Variants in TMEM108 observed in about 807,000 individuals in gnomAD.
TMEM108 encodes transmembrane protein 108, also known as cancer/testis antigen 124.
In TMEM108, 12 loss-of-function variants were observed where a neutral mutation model predicts 35.1. That is an observed-to-expected ratio of 0.34 (90% confidence interval 0.22 to 0.55). The LOEUF (loss-of-function observed/expected upper bound fraction) is 0.55. Ranked by LOEUF, TMEM108 falls within the 20% of genes least tolerant of loss-of-function variation. The pLI, the probability that TMEM108 is intolerant of heterozygous loss-of-function variation, is 0.89. For synonymous variants in TMEM108, 287 were observed against 308.6 expected, an observed-to-expected ratio of 0.93 and a Z score of 0.73; for missense variants, 680 against 753.3, an observed-to-expected ratio of 0.90 and a Z score of 1.14.
At chr3:133,073,516 A>ATC (rs1943703512) in intron 2 of TMEM108, among the ~76,000 whole-genome samples, 1 of 69,066 alleles carries the variant, frequency 1.4e-5, no homozygotes, top group Admixed American at 1.5e-4. Flanking sequence ...CTCTCTATAT[A>ATC]TATATATATA....
At chr3:133,211,474 G>C (rs1945833106) in intron 2 of TMEM108, among the ~76,000 whole-genome samples, 1 of 152,126 alleles carries the variant, frequency 6.6e-6, no homozygotes, top group African/African-American at 2.4e-5. Flanking sequence ...TGCTCCTTTA[G>C]TATTTGGCAT....
chr3:133,318,802 T>C (rs1456587348), intron 3 of TMEM108, among the ~76,000 whole-genome samples: 4 of 151,632 alleles, frequency 2.6e-5, no homozygotes, highest in African/African-American at 9.7e-5. Context: ...ATGGACAGAA[T>C]AGCATGTGGA....
intron 2 of TMEM108, among the ~76,000 whole-genome samples, chr3:133,190,775 C>A (rs143134959): frequency 4.2e-4 from 64 of 152,322 alleles, no homozygotes; most frequent in African/African-American, 1.5e-3. Context: ...ACAGTCTGTG[C>A]TGGGCACTGT....
chr3:133,313,210 T>G (rs1382139479), intron 3 of TMEM108, among the ~76,000 whole-genome samples: 1 of 151,690 alleles, frequency 6.6e-6, no homozygotes, highest in African/African-American at 2.4e-5. Context: ...AATTTTTTTT[T>G]TTTTTGAGAT....
intron 3 of TMEM108, chr3:133,303,273 C>T (rs1220664840): frequency 6.6e-6 from 1 of 152,166 alleles, no homozygotes; most frequent in Non-Finnish European, 1.5e-5. Context: ...ACATGTTACA[C>T]AGCCTGTCAT....
chr3:133,214,062 T>TG (rs1236566293), intron 2 of TMEM108, among the ~76,000 whole-genome samples: 1 of 152,214 alleles, frequency 6.6e-6, no homozygotes, highest in Non-Finnish European at 1.5e-5. Context: ...AATTGAGCTC[T>TG]GGCCCAGTTT....
intron 3 of TMEM108, among the ~76,000 whole-genome samples, chr3:133,297,369 A>G (rs1947160279): frequency 6.6e-6 from 1 of 152,170 alleles, no homozygotes; most frequent in Non-Finnish European, 1.5e-5. Context: ...AGAAAAAGAG[A>G]CAGATTTTAA....
intron 3 of TMEM108, among the ~76,000 whole-genome samples, chr3:133,292,004 A>G (rs1399195920): frequency 6.6e-6 from 1 of 152,164 alleles, no homozygotes; most frequent in Non-Finnish European, 1.5e-5. Flanking sequence ...ACATCCCCTC[A>G]GGAGCTTGAT....
At chr3:133,183,738 G>T (rs1160540784) in intron 2 of TMEM108, among the ~76,000 whole-genome samples, 1 of 152,142 alleles carries the variant, frequency 6.6e-6, no homozygotes, top group East Asian at 1.9e-4. Context: ...CCTGTGCAAG[G>T]CCCTTCAAGC....
intron 2 of TMEM108, among the ~76,000 whole-genome samples, chr3:133,160,280 G>A (rs1944942751): frequency 6.6e-6 from 1 of 152,232 alleles, no homozygotes; most frequent in African/African-American, 2.4e-5. Context: ...ATCACATGAG[G>A]AACCAATAGC....
chr3:133,339,148 A>G (rs535243442), intron 3 of TMEM108, among the ~76,000 whole-genome samples: 1 of 151,832 alleles, frequency 6.6e-6, no homozygotes, highest in African/African-American at 2.4e-5. Context: ...AAACTCTCCA[A>G]TCAAGGACAT....
Position 133,172,319 on chromosome 3 carries a change from A to C in TMEM108, c.-46-56947A>C, listed in dbSNP as rs182546920. ...AGAAATTATTAAATGTTTACTGTTT[A>C]CAAGGCTAATATTTATGAAGTCATT... On this transcript the variant is annotated intron_variant, in intron 2 of 5. Transcript: ENST00000321871. 1.2e-3 allele frequency among the ~76,000 whole-genome samples: 178 copies of C among 152,346 alleles called. 1 individual carries two copies. Among genetic ancestry groups the C allele is most frequent in the African/African-American group, 4.2e-3 (175 of 41,580 alleles).
At chr3:133,197,115 TAAAC>T (rs1384270027) in intron 2 of TMEM108, among the ~76,000 whole-genome samples, 2 of 152,190 alleles carry the variant, frequency 1.3e-5, no homozygotes, top group Admixed American at 6.5e-5. Flanking sequence ...GAGTAACAGA[TAAAC>T]AAAATGATAT....
intron 5 of TMEM108, among the ~76,000 whole-genome samples, chr3:133,393,081 C>T (rs1285668474): frequency 6.6e-6 from 1 of 152,222 alleles, no homozygotes; most frequent in Non-Finnish European, 1.5e-5. Flanking sequence ...CACACACCAG[C>T]TTCAGTGGCC....
chr3:133,322,308 G>A (rs2071276624), intron 3 of TMEM108, among the ~76,000 whole-genome samples: 1 of 151,920 alleles, frequency 6.6e-6, no homozygotes, highest in Admixed American at 6.6e-5. Context: ...AGAGAAAATT[G>A]AAATAAGCTC....
intron 2 of TMEM108, among the ~76,000 whole-genome samples, chr3:133,111,144 G>C (rs1944219403): frequency 6.6e-6 from 1 of 152,136 alleles, no homozygotes; most frequent in Non-Finnish European, 1.5e-5. Flanking sequence ...TAGCCATCTA[G>C]TCTGAATTTT....
chr3:133,396,147 G>T lies in TMEM108; in HGVS notation c.*161G>T. 3.9e-6 allele frequency: 1 copy of T among 257,562 alleles called. No homozygotes were observed. Among genetic ancestry groups the T allele is most frequent in the African/African-American group, 4.8e-5 (1 of 20,706 alleles). 16.0% of individuals were successfully genotyped at this position (257,562 alleles called of 1,614,324 possible). On this transcript the variant is annotated 3_prime_UTR_variant, in exon 6 of 6. Transcript: ENST00000321871. Reference sequence around the variant, plus strand: ...TGTCAACATCTTTTTTACAAGTGTGGTTTAAAAAAAAAAAAAACTTTACAG... The same window carrying T: ...TGTCAACATCTTTTTTACAAGTGTGTTTTAAAAAAAAAAAAAACTTTACAG...
rs984260585 is a variant in TMEM108, at chr3:133,046,005, C to T, written c.-62C>T. 4.6e-5 allele frequency: 7 copies of T among 152,766 alleles called. No homozygotes were observed. Among genetic ancestry groups the T allele is most frequent in the African/African-American group, 1.7e-4 (7 of 41,570 alleles). 9.5% of individuals were successfully genotyped at this position (152,766 alleles called of 1,614,324 possible). On this transcript the variant is annotated 5_prime_UTR_variant, in exon 2 of 6. Coordinates refer to ENST00000321871, the MANE Select transcript of TMEM108 (RefSeq NM_023943.4). ...ATGTAAGTGCGTTTGAAGGCTTCCA[C>T]ACCCTCTACTCCAGGGTAAGGCAAA...
intron 3 of TMEM108, among the ~76,000 whole-genome samples, chr3:133,261,924 A>G (rs1946630922): frequency 6.6e-6 from 1 of 152,346 alleles, no homozygotes; most frequent in Admixed American, 6.5e-5. Flanking sequence ...CAGCTACTTC[A>G]TGTCCTTTCT....
Sources: gnomAD v4.1 joint callset for allele counts (sites outside exome capture counted in the v4.1 genomes callset) on GRCh38, gnomAD v4.1.1 for gene constraint, MANE v1.5 for transcripts, NCBI Gene and HGNC (gene_info 2026-07-23, HGNC 2026-07-21) for gene names.